CSMD1: variants seen among roughly 807,000 people sequenced by gnomAD.
CSMD1 encodes the protein CUB and sushi domain-containing protein 1.
A neutral mutation model predicts 417.5 loss-of-function variants in CSMD1; 213 were observed. That is an observed-to-expected ratio of 0.51 (90% CI 0.46 to 0.57). CSMD1 has a LOEUF of 0.57. CSMD1 is among the 20% of genes least tolerant of loss of function. The pLI, the probability that CSMD1 is intolerant of heterozygous loss-of-function variation, is 0.00. For missense variants in CSMD1, 6,923 were observed against 4,529.7 expected (o/e 1.53, Z -15.17); for synonymous variants, 2,862 against 1,736.8 (o/e 1.65, Z -16.11).
intron 3 of CSMD1, among the ~76,000 whole-genome samples, chr8:4,315,489 A>G (rs894929485): frequency 6.6e-6 from 1 of 152,220 alleles, no homozygotes; most frequent in African/African-American, 2.4e-5. Flanking sequence ...AAGATAAAGG[A>G]TAAATAAAAA....
rs543316863 is a variant in CSMD1 at position 3,995,298 on chromosome 8, T to C, written c.818+2605A>G. On this transcript the variant is annotated intron_variant, in intron 5 of 69. Transcript: ENST00000635120. ...TGAAGAGTCATTGAAAGCTGAGAGTTCCACTTAAACGTAGTCCTTGTGGCT... is the reference window on the plus strand; with the variant it reads ...TGAAGAGTCATTGAAAGCTGAGAGTCCCACTTAAACGTAGTCCTTGTGGCT... 3.9e-5 allele frequency among the ~76,000 whole-genome samples: 6 copies of C among 152,354 alleles called. No individual in the cohort carries two copies. The East Asian group carries it at 9.7e-4, about 25-fold the overall frequency.
intron 1 of CSMD1, among the ~76,000 whole-genome samples, chr8:4,787,176 T>A (rs1027067307): frequency 4.6e-5 from 7 of 152,214 alleles, no homozygotes; most frequent in Admixed American, 2.0e-4. Context: ...GTAGCGGAGC[T>A]CGGAAAGAGT....
At chr8:3,240,154 C>A (rs1265176360) in intron 26 of CSMD1, among the ~76,000 whole-genome samples, 2 of 152,092 alleles carry the variant, frequency 1.3e-5, no homozygotes, top group Non-Finnish European at 2.9e-5. Context: ...AAAAAGGCTA[C>A]TCGGTGCGGT....
At chr8:3,036,275 T>C (rs1810669020) in intron 50 of CSMD1, among the ~76,000 whole-genome samples, 1 of 152,178 alleles carries the variant, frequency 6.6e-6, no homozygotes, top group African/African-American at 2.4e-5. Context: ...GAGATTACCA[T>C]AAATAAAGCC....
rs754331779 is a variant in CSMD1, at chr8:3,769,442, G to C, written c.819-15400C>G. 2.0e-5 allele frequency among the ~76,000 whole-genome samples: 3 copies of C among 150,902 alleles called. 1 individual carries two copies. Among genetic ancestry groups the C allele is most frequent in the East Asian group, 1.9e-4 (1 of 5,180 alleles). ...CAGATACATCCAATTCCAGTGTAAA[G>C]TGACAGGCTGAACTCATTGTTTTTC... is the stretch of plus-strand genomic sequence containing the variant. On this transcript the variant is annotated intron_variant, in intron 5 of 69. Transcript: ENST00000635120.
intron 1 of CSMD1, among the ~76,000 whole-genome samples, chr8:4,692,010 T>G (rs191842526): frequency 6.6e-6 from 1 of 152,202 alleles, no homozygotes; most frequent in South Asian, 2.1e-4. Flanking sequence ...TGCCCTCTTG[T>G]ACAGCAGAGC....
chr8:4,191,385 G>A (rs1002873830), intron 3 of CSMD1, among the ~76,000 whole-genome samples: 2 of 151,984 alleles, frequency 1.3e-5, no homozygotes, highest in African/African-American at 4.8e-5. Flanking sequence ...AACAGAGCAA[G>A]ACTCTGTCTC....
At chr8:4,883,689 G>A (rs763031510) in intron 1 of CSMD1, among the ~76,000 whole-genome samples, 1 of 152,070 alleles carries the variant, frequency 6.6e-6, no homozygotes, top group South Asian at 2.1e-4. Context: ...ATAACCAATT[G>A]TATGGCCATA....
At chr8:3,232,066 C>A (rs902118134) in intron 26 of CSMD1, among the ~76,000 whole-genome samples, 11 of 152,188 alleles carry the variant, frequency 7.2e-5, no homozygotes, top group Non-Finnish European at 1.2e-4. Flanking sequence ...GTGCTACCAA[C>A]TCTAAGCAAT....
chr8:4,233,196 T>C (rs539601738), intron 3 of CSMD1, among the ~76,000 whole-genome samples: 5 of 152,190 alleles, frequency 3.3e-5, no homozygotes, highest in Non-Finnish European at 5.9e-5. Context: ...TGAAAACATA[T>C]CATTTTCTTC....
chr8:3,854,460 T>C (rs912789564), intron 5 of CSMD1, among the ~76,000 whole-genome samples: 1 of 152,154 alleles, frequency 6.6e-6, no homozygotes, highest in East Asian at 1.9e-4. Context: ...TCAAAATTAC[T>C]TGGCACACGT....
intron 3 of CSMD1, among the ~76,000 whole-genome samples, chr8:4,185,060 G>A (rs988409926): frequency 1.4e-5 from 2 of 146,580 alleles, no homozygotes; most frequent in African/African-American, 2.5e-5. Flanking sequence ...AATGGCTAGA[G>A]CCTGGGAGGC....
chr8:3,547,696 C>G (rs1282627849), intron 10 of CSMD1, among the ~76,000 whole-genome samples: 1 of 152,130 alleles, frequency 6.6e-6, no homozygotes, highest in East Asian at 1.9e-4. Flanking sequence ...GTTAAATCTA[C>G]TAAGCCTACC....
intron 1 of CSMD1, among the ~76,000 whole-genome samples, chr8:4,676,944 G>T (rs1805724727): frequency 1.4e-5 from 2 of 145,492 alleles, no homozygotes; most frequent in Non-Finnish European, 3.0e-5. Context: ...TATATATAGA[G>T]AAATTATATA....
At chr8:4,793,203 A>G (rs1233053285) in intron 1 of CSMD1, among the ~76,000 whole-genome samples, 1 of 152,180 alleles carries the variant, frequency 6.6e-6, no homozygotes, top group African/African-American at 2.4e-5. Context: ...AATAAAAATT[A>G]ATTGCAGCAC....
At chr8:4,815,623 G>C (rs896993875) in intron 1 of CSMD1, among the ~76,000 whole-genome samples, 3 of 147,042 alleles carry the variant, frequency 2.0e-5, no homozygotes, top group Non-Finnish European at 3.0e-5. Flanking sequence ...TTGAACCCAG[G>C]AGATGAAGGT....
chr8:3,167,446 T>G (rs891885903), intron 37 of CSMD1, among the ~76,000 whole-genome samples: 2 of 151,772 alleles, frequency 1.3e-5, no homozygotes, highest in Non-Finnish European at 2.9e-5. Context: ...GTAATTCTTG[T>G]GCAATCTACA....
chr8:4,985,149 G>A (rs1811108360), intron 1 of CSMD1, among the ~76,000 whole-genome samples: 1 of 152,152 alleles, frequency 6.6e-6, no homozygotes, highest in Non-Finnish European at 1.5e-5. Flanking sequence ...TTATAAGTGG[G>A]AGCAAAATGA....
intron 5 of CSMD1, among the ~76,000 whole-genome samples, chr8:3,844,994 C>T (rs903097127): frequency 6.6e-6 from 1 of 152,114 alleles, no homozygotes; most frequent in African/African-American, 2.4e-5. Context: ...ACTGCACAAA[C>T]TTTAAAAGTT....
Sources: allele counts gnomAD v4.1 joint callset (sites outside exome capture counted in the v4.1 genomes callset), GRCh38; gene constraint gnomAD v4.1.1; transcripts MANE v1.5; gene names NCBI Gene and HGNC (gene_info 2026-07-23, HGNC 2026-07-21).